KIAA0753: variants seen among roughly 807,000 people sequenced by gnomAD.
The protein encoded by KIAA0753 is KIAA0753.
KIAA0753 carries 114 observed loss-of-function variants against 116.9 expected under a neutral mutation model. The observed-to-expected ratio is 0.98, with a 90% CI of 0.84 to 1.14. The LOEUF (loss-of-function observed/expected upper bound fraction) is 1.14, where lower values mean the gene tolerates loss of function less well. Ranked by LOEUF, KIAA0753 falls within the 50% of genes most tolerant of loss-of-function variation. The pLI is 0.00. For missense variants in KIAA0753, 1,156 were observed against 1,172.4 expected (o/e 0.99, Z 0.20); for synonymous variants, 405 against 413.1 (o/e 0.98, Z 0.24).
chr17:6,591,074 G>T (rs1341934082), intron 16 of KIAA0753, among the ~76,000 whole-genome samples: 7 of 120,788 alleles, frequency 5.8e-5, no homozygotes, highest in Non-Finnish European at 1.0e-4. Flanking sequence ...AGAAGAAGAA[G>T]AAGAAGAAGA....
In KIAA0753 at chr17:6,622,933, A is replaced by G. The variant is rs1481179764; in HGVS notation, c.1053T>C (p.Asp351=). The stretch of plus-strand genomic sequence containing the variant: ...CCACATCAGGAACAGAAGGGTCTGC[A>G]TCCAGCTTGACAGAACAAAGTGAAA... ...RQLSLCSVKL[D]ADPSVPDVVI... The change falls in exon 6 of 19, where the codon GAT becomes GAC. Residue 351 remains aspartate (D), a synonymous_variant. Coordinates refer to ENST00000361413, the MANE Select transcript of KIAA0753 (RefSeq NM_014804.3). The G allele has an allele frequency of 6.2e-7, 1 of 1,614,184 alleles. No homozygotes were observed. The highest frequency in any genetic ancestry group is 8.5e-7 in the Non-Finnish European group (1 of 1,180,010).
chr17:6,601,739 T>C (rs940687537), intron 12 of KIAA0753, among the ~76,000 whole-genome samples: 1 of 152,054 alleles, frequency 6.6e-6, no homozygotes, highest in African/African-American at 2.4e-5. Context: ...CTTGAGACAC[T>C]AACATAGGCA....
chr17:6,629,963 C>A (rs1182699123), intron 2 of KIAA0753, among the ~76,000 whole-genome samples: 1 of 151,972 alleles, frequency 6.6e-6, no homozygotes, highest in African/African-American at 2.4e-5. Context: ...TACTAAAAAA[C>A]ATATAAAAAT....
intron 18 of KIAA0753, among the ~76,000 whole-genome samples, chr17:6,583,902 G>T (rs908586607): frequency 6.6e-6 from 1 of 152,182 alleles, no homozygotes; most frequent in Non-Finnish European, 1.5e-5. Flanking sequence ...AACAGTCGTA[G>T]AAATAAATTG....
intron 3 of KIAA0753, among the ~76,000 whole-genome samples, chr17:6,625,269 T>C (rs904624354): frequency 6.6e-6 from 1 of 152,262 alleles, no homozygotes; most frequent in African/African-American, 2.4e-5. Flanking sequence ...AAAGAAGGTA[T>C]TAATAAATGC....
intron 2 of KIAA0753, among the ~76,000 whole-genome samples, chr17:6,631,543 CA>C (rs143661761): frequency 0.051 from 7,700 of 152,004 alleles, 283 homozygotes; most frequent in Non-Finnish European, 0.078. Context: ...GACATATAGG[CA>C]GACAGACACA....
rs1972506014 is a variant in KIAA0753 at position 6,639,136 on chromosome 17, C to T, written c.-69+1501G>A. ...AGAGTCTGTCTCCTCCACAGCCTGT[C>T]TCCTGTAACACACACCTGCGGCACC... On this transcript the variant is annotated intron_variant, in intron 1 of 18. Coordinates refer to ENST00000361413, the MANE Select transcript of KIAA0753 (RefSeq NM_014804.3). The surrounding 1 kb of genome is among the most constrained non-coding windows in gnomAD (Gnocchi z 4.3). The T allele has an allele frequency of 6.5e-6, 1 of 152,912 alleles. No individual in the cohort carries two copies. The highest frequency in any genetic ancestry group is 1.5e-5 in the Non-Finnish European group (1 of 68,718). 9.5% of individuals were successfully genotyped at this position (152,912 alleles called of 1,614,324 possible). A position where few individuals can be genotyped will look rare whatever the true frequency, so the allele number is the denominator to read the frequency against.
In KIAA0753 at chr17:6,628,353, G is replaced by T. The variant is rs1956032998; in HGVS notation, c.482C>A (p.Pro161Gln). ...SQAACQCSHQ[P>Q]SKVEISSSGA... ...AGAGCTGGAGATTTCTACTTTGGAT[G>T]GCTGGTGGCTACACTGACAGGCTGC... Residue 161 changes from proline (P) to glutamine (Q), a missense_variant, in exon 3 of 19, where the codon CCA becomes CAA. By Grantham distance (76) the Pro-to-Gln change is moderately conservative. Coordinates refer to ENST00000361413, the MANE Select transcript of KIAA0753 (RefSeq NM_014804.3). 3 of 1,614,018 alleles carry T rather than the reference G, an allele frequency of 1.9e-6. No homozygotes were observed. In the South Asian group the frequency reaches 3.3e-5, roughly 18 times the overall value.
intron 6 of KIAA0753, among the ~76,000 whole-genome samples, chr17:6,622,062 T>C (rs1445143928): frequency 1.3e-5 from 2 of 152,116 alleles, no homozygotes; most frequent in African/African-American, 4.8e-5. Context: ...CTCTCCACTA[T>C]CCACCTTTCT....
intron 13 of KIAA0753, among the ~76,000 whole-genome samples, chr17:6,599,760 A>T (rs993204835): frequency 6.6e-6 from 1 of 152,196 alleles, no homozygotes; most frequent in Non-Finnish European, 1.5e-5. Context: ...CTAAAAATAG[A>T]GAAGTTCAGT....
chr17:6,635,141 C>G lies in KIAA0753; in HGVS notation c.-38G>C. 2.1e-6 allele frequency: 3 copies of G among 1,424,500 alleles called. No homozygotes were observed. The highest frequency in any genetic ancestry group is 1.7e-5 in the Admixed American group (1 of 59,344). 88.2% of individuals were successfully genotyped at this position (1,424,500 alleles called of 1,614,324 possible). A position where few individuals can be genotyped will look rare whatever the true frequency, so the allele number is the denominator to read the frequency against. Reference sequence around the variant, plus strand: ...TACAGAACAATAGTGACAGCCTTGTCATCCGGCAACAGTCTTCCCTAAAAC... The same window carrying G: ...TACAGAACAATAGTGACAGCCTTGTGATCCGGCAACAGTCTTCCCTAAAAC... On this transcript the variant is annotated 5_prime_UTR_variant, in exon 2 of 19. It removes an upstream start codon present in the reference 5' UTR. Coordinates refer to ENST00000361413, the MANE Select transcript of KIAA0753 (RefSeq NM_014804.3).
rs1172641332 is a variant in KIAA0753 at position 6,639,654 on chromosome 17, G to A, written c.-69+983C>T. ...TCCCCCTTGCCTGTTCCTTCACCCA[G>A]GGCCCTGTAAGACCGCCGCGGCTTG... On this transcript the variant is annotated intron_variant, in intron 1 of 18. Coordinates refer to ENST00000361413, the MANE Select transcript of KIAA0753 (RefSeq NM_014804.3). The surrounding 1 kb of genome is among the most constrained non-coding windows in gnomAD (Gnocchi z 4.3). 2 of 152,936 alleles carry A rather than the reference G, an allele frequency of 1.3e-5. No individual in the cohort carries two copies. Among genetic ancestry groups the A allele is most frequent in the Admixed American group, 6.5e-5 (1 of 15,270 alleles). The allele number at this position is 152,936 out of a possible 1,614,324, so 9.5% of individuals were successfully genotyped here.
At chr17:6,583,392 T>C (rs1382120899) in intron 18 of KIAA0753, among the ~76,000 whole-genome samples, 2 of 152,196 alleles carry the variant, frequency 1.3e-5, no homozygotes, top group East Asian at 1.9e-4. Flanking sequence ...GCTTGATGTC[T>C]TTTGCTACTC....
chr17:6,640,343 T>G (rs1457579598), intron 1 of KIAA0753: 1 of 152,612 alleles, frequency 6.6e-6, no homozygotes, highest in Non-Finnish European at 1.5e-5. Flanking sequence ...CCTTCCTCCC[T>G]ACCGCGGCCC....
intron 5 of KIAA0753, 53 bp from the exon 6 acceptor site, chr17:6,623,150 A>G: frequency 1.1e-5 from 16 of 1,467,758 alleles, no homozygotes; most frequent in Non-Finnish European, 1.5e-5. Context: ...ACTTGCTAAC[A>G]TTCACCCAAC....
In KIAA0753 at chr17:6,625,858, C is replaced by T. The variant is rs553462578; in HGVS notation, c.719-997G>A. On this transcript the variant is annotated intron_variant, in intron 3 of 18. Transcript: ENST00000361413. Reference sequence around the variant, plus strand: ...CTGGGATTACAGGTCCACACCACCACACTCAACTAATTTTTGTATCTTTAG... The same window carrying T: ...CTGGGATTACAGGTCCACACCACCATACTCAACTAATTTTTGTATCTTTAG... 9.9e-5 allele frequency among the ~76,000 whole-genome samples: 15 copies of T among 152,160 alleles called. No individual in the cohort carries two copies. In the South Asian group the frequency reaches 3.1e-3, roughly 32 times the overall value.
Position 6,623,068 on chromosome 17 carries a change from G to C in KIAA0753, c.918C>G (p.Ala306=). The C allele has an allele frequency of 6.2e-7, 1 of 1,613,764 alleles. No homozygotes were observed. Among genetic ancestry groups the C allele is most frequent in the African/African-American group, 1.3e-5 (1 of 75,030 alleles). ...GTAAGGCCCGAATGGCTCCTCGATGGGCAGCCGCCAGCTTAGACATTGCCC... is the reference window on the plus strand; with the variant it reads ...GTAAGGCCCGAATGGCTCCTCGATGCGCAGCCGCCAGCTTAGACATTGCCC... ...KSWAMSKLAA[A]HRGAIRALQM... Residue 306 remains alanine, a synonymous_variant, in exon 6 of 19, where the codon GCC becomes GCG. Coordinates refer to ENST00000361413, the MANE Select transcript of KIAA0753 (RefSeq NM_014804.3).
chr17:6,593,613 C>T (rs555331784), intron 16 of KIAA0753, among the ~76,000 whole-genome samples: 1 of 151,870 alleles, frequency 6.6e-6, no homozygotes, highest in East Asian at 1.9e-4. Context: ...GGAGGCCAGG[C>T]GCAATGGCTC....
chr17:6,631,371 C>T (rs1332912411), intron 2 of KIAA0753, among the ~76,000 whole-genome samples: 5 of 152,214 alleles, frequency 3.3e-5, no homozygotes, highest in African/African-American at 1.2e-4. Context: ...ACACGGATTA[C>T]AATTCAGAAA....
Sources: gnomAD v4.1 joint callset for allele counts (sites outside exome capture counted in the v4.1 genomes callset) on GRCh38, gnomAD v4.1.1 for gene constraint, Gnocchi (gnomAD v3.1) non-coding constraint, MANE v1.5 for transcripts, NCBI Gene and HGNC (gene_info 2026-07-23, HGNC 2026-07-21) for gene names.